Variants in PCLO observed in about 807,000 individuals in gnomAD.
PCLO encodes piccolo presynaptic cytomatrix protein.
PCLO carries 82 observed loss-of-function variants against 427.5 expected under a neutral mutation model. The observed-to-expected ratio is 0.19, with a 90% CI of 0.16 to 0.23. The LOEUF (loss-of-function observed/expected upper bound fraction) is 0.23. Among genes scored for constraint, PCLO ranks in the 10% least tolerant of loss-of-function variants. The probability of loss-of-function intolerance (pLI) is 1.00; values close to 1 mark genes in which losing one functional copy is unlikely to be tolerated. For missense variants in PCLO, 6,239 were observed against 6,115.9 expected (o/e 1.02, Z -0.67); for synonymous variants, 2,357 against 2,155.4 (o/e 1.09, Z -2.59).
intron 10 of PCLO, among the ~76,000 whole-genome samples, chr7:82,849,485 T>A (rs915153256): frequency 1.3e-5 from 2 of 152,156 alleles, no homozygotes; most frequent in Non-Finnish European, 2.9e-5. Context: ...TGAGACACCA[T>A]AGGGAAGATG....
rs753198212 is a variant in PCLO at position 82,956,335 on chromosome 7, C to T, written c.4618G>A (p.Glu1540Lys). 6.2e-7 allele frequency: 1 copy of T among 1,613,162 alleles called. No homozygotes were observed. Among genetic ancestry groups the T allele is most frequent in the South Asian group, 1.1e-5 (1 of 91,068 alleles). The change falls in exon 5 of 25, where the codon GAG becomes AAG. Residue 1540 changes from glutamate (E) to lysine (K), a missense_variant. Coordinates refer to ENST00000333891, the MANE Select transcript of PCLO (RefSeq NM_033026.6). ...CCTTGGCTGTCTTCCTGTTTATACT[C>T]ATCACTGCTTGATGAGCCAACACTA... ...RTSVGSSSSD[E>K]YKQEDSQGSG...
rs1214764758 is a variant in PCLO, at chr7:82,953,686, G to T, written c.7267C>A (p.Pro2423Thr). ...PPPPPPPPPP[P>T]PPPLPPPTSP... The stretch of plus-strand genomic sequence containing the variant: ...GTTGGTGGAGGAAGTGGTGGGGGAG[G>T]AGGGGGTGGTGGTGGAGGAGGAGGA... Residue 2423 changes from proline to threonine, a missense_variant, in exon 5 of 25, where the codon CCT becomes ACT. Around this residue, in one of 5 missense-constraint regions of PCLO, gnomAD observed 4,677 missense variants for 4,468.4 expected, o/e 1.05. Coordinates refer to ENST00000333891, the MANE Select transcript of PCLO (RefSeq NM_033026.6). The T allele has an allele frequency of 3.3e-6, 4 of 1,223,950 alleles. No homozygotes were observed. Among genetic ancestry groups the T allele is most frequent in the Non-Finnish European group, 4.6e-6 (4 of 877,684 alleles). 75.8% of individuals were successfully genotyped at this position (1,223,950 alleles called of 1,614,324 possible). A position where few individuals can be genotyped will look rare whatever the true frequency, so the allele number is the denominator to read the frequency against.
intron 3 of PCLO, among the ~76,000 whole-genome samples, chr7:83,066,213 A>G (rs1789667443): frequency 6.6e-6 from 1 of 152,068 alleles, no homozygotes; most frequent in African/African-American, 2.4e-5. Flanking sequence ...AACTTTTTAA[A>G]CCCTTTAAAA....
Position 82,914,671 on chromosome 7 carries a change from T to G in PCLO, c.13300+15A>C. On this transcript the variant is annotated intron_variant, in intron 7 of 24. Transcript: ENST00000333891. ...GAGTTTTGAGAGTAACAGGGTAGTT[T>G]GAGGCCCAATTTACCTTCACTGTCT... 6.2e-7 allele frequency: 1 copy of G among 1,612,072 alleles called. No homozygotes were observed. The highest frequency in any genetic ancestry group is 1.1e-5 in the South Asian group (1 of 90,840).
intron 3 of PCLO, among the ~76,000 whole-genome samples, chr7:83,106,940 A>T (rs1790873001): frequency 6.9e-6 from 1 of 144,956 alleles, no homozygotes; most frequent in Non-Finnish European, 1.5e-5. Flanking sequence ...ATATGATCTA[A>T]TATATCAAAC....
rs2116268622 is a variant in PCLO at position 82,915,925 on chromosome 7, T to C, written c.12061A>G (p.Met4021Val). 6.2e-7 allele frequency: 1 copy of C among 1,613,354 alleles called. No homozygotes were observed. The highest frequency in any genetic ancestry group is 8.5e-7 in the Non-Finnish European group (1 of 1,179,794). ...LRIGLEERSS[M>V]ASSPISSISA... ...ATGCTTGATATTGGACTGCTTGCCA[T>C]GCTACTTCTTTCCTCCAAACCTATT... The change falls in exon 7 of 25, where the codon ATG (methionine) becomes GTG (valine). Residue 4021 changes from methionine (M) to valine (V), a missense_variant. Met to Val is a conservative substitution (Grantham distance 21, BLOSUM62 1). Transcript: ENST00000333891.
At chr7:82,832,464 C>T (rs1387300925) in intron 16 of PCLO, among the ~76,000 whole-genome samples, 1 of 151,742 alleles carries the variant, frequency 6.6e-6, no homozygotes, top group African/African-American at 2.4e-5. Flanking sequence ...CATGTTAGCC[C>T]GGATGGTCTT....
At chr7:82,775,830 G>C (rs1197662428) in intron 22 of PCLO, among the ~76,000 whole-genome samples, 4 of 152,020 alleles carry the variant, frequency 2.6e-5, no homozygotes, top group African/African-American at 9.7e-5. Context: ...TTATAGATTT[G>C]CATTTTGCAT....
In PCLO at chr7:83,134,934, T is replaced by G. The variant is rs1232739778; in HGVS notation, c.2616A>C (p.Pro872=). The change falls in exon 3 of 25, where the codon CCA becomes CCC. Residue 872 remains proline (P), a synonymous_variant. Transcript: ENST00000333891. Reference sequence around the variant, plus strand: ...GGCCAGGGGGTGTTGGTGACCCTTTTGGCATTGGCTTGGCATCTGGTTTAG... The same window carrying G: ...GGCCAGGGGGTGTTGGTGACCCTTTGGGCATTGGCTTGGCATCTGGTTTAG... The part of the protein sequence containing the change: ...MSPKPDAKPM[P]KGSPTPPGPR... 2.5e-5 allele frequency: 40 copies of G among 1,606,640 alleles called. No individual in the cohort carries two copies. Among genetic ancestry groups the G allele is most frequent in the Non-Finnish European group, 3.4e-5 (40 of 1,176,914 alleles).
At chr7:83,001,142 C>A (rs898678798) in intron 3 of PCLO, among the ~76,000 whole-genome samples, 102 of 151,824 alleles carry the variant, frequency 6.7e-4, no homozygotes, top group African/African-American at 2.3e-3. Context: ...AAAAATTTGA[C>A]AAACTTACTG....
At chr7:82,886,943 C>T (rs999279398) in intron 9 of PCLO, among the ~76,000 whole-genome samples, 2 of 152,074 alleles carry the variant, frequency 1.3e-5, no homozygotes, top group Non-Finnish European at 2.9e-5. Flanking sequence ...TGACTTTGAA[C>T]AGATGGATTT....
chr7:83,051,949 T>C (rs1036420107), intron 3 of PCLO, among the ~76,000 whole-genome samples: 1 of 152,010 alleles, frequency 6.6e-6, no homozygotes, highest in African/African-American at 2.4e-5. Context: ...GATGTTTTTT[T>C]TAACAAATGG....
chr7:82,926,369 T>C (rs1794712481), intron 6 of PCLO, among the ~76,000 whole-genome samples: 1 of 152,146 alleles, frequency 6.6e-6, no homozygotes, highest in Non-Finnish European at 1.5e-5. Context: ...TTTGTGAAAA[T>C]AATTGAAAAA....
chr7:82,754,239 G>C lies in PCLO; in HGVS notation c.*4336C>G, dbSNP rs1162807091. 1 of 151,824 alleles carries C rather than the reference G, an allele frequency of 6.6e-6. No homozygotes were observed. Among genetic ancestry groups the C allele is most frequent in the African/African-American group, 2.4e-5 (1 of 41,340 alleles). 9.4% of individuals were successfully genotyped at this position (151,824 alleles called of 1,614,324 possible). ...TCCAAGAATTTGCATTTGTCCATTAGATTTTCCAAAGGGATTTGGGTAAAA... is the reference window on the plus strand; with the variant it reads ...TCCAAGAATTTGCATTTGTCCATTACATTTTCCAAAGGGATTTGGGTAAAA... On this transcript the variant is annotated 3_prime_UTR_variant, in exon 25 of 25. Coordinates refer to ENST00000333891, the MANE Select transcript of PCLO (RefSeq NM_033026.6).
intron 4 of PCLO, among the ~76,000 whole-genome samples, chr7:82,962,513 T>C (rs1312774713): frequency 2.6e-5 from 4 of 152,018 alleles, no homozygotes. Context: ...AATAATAATA[T>C]AACCCAACTA....
At chr7:82,818,324 G>A (rs1791718704) in intron 20 of PCLO, among the ~76,000 whole-genome samples, 1 of 152,118 alleles carries the variant, frequency 6.6e-6, no homozygotes, top group Admixed American at 6.6e-5. Flanking sequence ...AAAAATCTTT[G>A]AAAAGCTCTT....
intron 3 of PCLO, among the ~76,000 whole-genome samples, chr7:83,058,893 T>C (rs1251453902): frequency 6.6e-6 from 1 of 152,098 alleles, no homozygotes; most frequent in Non-Finnish European, 1.5e-5. Flanking sequence ...TTATTCAACA[T>C]AAGCAATGAC....
chr7:83,123,401 C>T (rs1346168898), intron 3 of PCLO, among the ~76,000 whole-genome samples: 2 of 152,090 alleles, frequency 1.3e-5, no homozygotes, highest in Non-Finnish European at 2.9e-5. Flanking sequence ...AATAAATGGT[C>T]CTGGGAAAAT....
chr7:82,827,940 T>C lies in PCLO; in HGVS notation c.14276A>G (p.His4759Arg). The change falls in exon 17 of 25, where the codon CAT (histidine) becomes CGT (arginine). Residue 4759 changes from histidine (H) to arginine (R), a missense_variant. This residue lies in a region of PCLO where 877 missense variants were observed against 925.5 expected (regional missense o/e 0.95). Transcript: ENST00000333891. Reference sequence around the variant, plus strand: ...CTCAGGATTAAGACTTTTCTGGACATGTTTAGTCCTTCTCTTGTACTCAGC... The same window carrying C: ...CTCAGGATTAAGACTTTTCTGGACACGTTTAGTCCTTCTCTTGTACTCAGC... ...ASAEYKRRTK[H>R]VQKSLNPEWN... is the part of the protein sequence containing the mutation. 2.5e-6 allele frequency: 4 copies of C among 1,600,794 alleles called. No homozygotes were observed. The South Asian group carries it at 3.3e-5, about 13-fold the overall frequency.
Sources: allele counts gnomAD v4.1 joint callset (sites outside exome capture counted in the v4.1 genomes callset), GRCh38; gene constraint gnomAD v4.1.1; regional missense constraint gnomAD v4.1.1; transcripts MANE v1.5; gene names NCBI Gene and HGNC (gene_info 2026-07-23, HGNC 2026-07-21).